Variants in EXOC4 observed in about 807,000 individuals in gnomAD.
EXOC4 encodes SEC8-like 1.
A neutral mutation model predicts 107.2 loss-of-function variants in EXOC4; 71 were observed. The ratio of observed to expected loss-of-function variants is 0.66; its 90% CI spans 0.55 to 0.81. The LOEUF (loss-of-function observed/expected upper bound fraction) is 0.81. EXOC4 is among the 30% of genes least tolerant of loss of function. The pLI, the probability that EXOC4 is intolerant of heterozygous loss-of-function variation, is 0.00. For missense variants in EXOC4, 1,108 were observed against 1,189.6 expected, an observed-to-expected ratio of 0.93 and a Z score of 1.01; for synonymous variants, 456 against 441.2, an observed-to-expected ratio of 1.03 and a Z score of -0.42.
chr7:133,743,634 GA>G (rs1468936732), intron 10 of EXOC4, among the ~76,000 whole-genome samples: 2 of 135,854 alleles, frequency 1.5e-5, no homozygotes, highest in Non-Finnish European at 1.6e-5. Context: ...CATCCTTTAT[GA>G]AACCATGAAA....
At position 133,902,337 on chromosome 7, in the gene EXOC4, A is replaced by G. The variant is rs1166958659; in HGVS notation, c.1871+6602A>G. Among the ~76,000 whole-genome samples, 14 of 152,296 alleles carry G rather than the reference A, an allele frequency of 9.2e-5. No homozygotes were observed. The East Asian group carries it at 1.7e-3, about 19-fold the overall frequency. ...CCTTTCAGGAATTTTTTTGATCTCA[A>G]TAACCATTAACAAACACAGTGGATC... On this transcript the variant is annotated intron_variant, in intron 12 of 17. Transcript: ENST00000253861.
intron 1 of EXOC4, among the ~76,000 whole-genome samples, chr7:133,255,295 G>T (rs1410416398): frequency 6.6e-6 from 1 of 151,924 alleles, no homozygotes; most frequent in Non-Finnish European, 1.5e-5. Context: ...TTCTGCTTCA[G>T]CTTCCCGCAT....
intron 9 of EXOC4, chr7:133,481,197 G>A (rs1343283288): frequency 1.3e-5 from 2 of 151,932 alleles, no homozygotes; most frequent in African/African-American, 4.8e-5. Context: ...ATACATATGT[G>A]TGTGTGCATA....
intron 2 of EXOC4, 150 bp from the exon 3 acceptor site, chr7:133,288,772 A>C (rs1035194826): frequency 3.4e-6 from 2 of 594,312 alleles, no homozygotes; most frequent in African/African-American, 1.8e-5. Flanking sequence ...AACCAGGATT[A>C]GAATTTTGGA....
chr7:133,449,437 CTA>C (rs992131557), intron 7 of EXOC4, among the ~76,000 whole-genome samples: 6 of 152,148 alleles, frequency 3.9e-5, no homozygotes, highest in African/African-American at 1.4e-4. Context: ...TCAAGAACAC[CTA>C]TGTTCTGAAC....
chr7:133,721,613 C>T (rs1795106443), intron 10 of EXOC4, among the ~76,000 whole-genome samples: 1 of 152,112 alleles, frequency 6.6e-6, no homozygotes, highest in African/African-American at 2.4e-5. Flanking sequence ...CCAGAAGCAC[C>T]AGTTCTTTTT....
At chr7:133,864,746 G>A (rs187891591) in intron 11 of EXOC4, among the ~76,000 whole-genome samples, 8 of 152,208 alleles carry the variant, frequency 5.3e-5, no homozygotes, top group African/African-American at 9.6e-5. Flanking sequence ...TGTCATGTGC[G>A]GTTCATCTGG....
At chr7:133,472,550 T>C (rs938482621) in intron 7 of EXOC4, among the ~76,000 whole-genome samples, 1 of 152,186 alleles carries the variant, frequency 6.6e-6, no homozygotes, top group African/African-American at 2.4e-5. Flanking sequence ...TTGGTTTTCT[T>C]AGTGAAATAT....
At chr7:133,991,413 G>A (rs1444398082) in intron 14 of EXOC4, among the ~76,000 whole-genome samples, 1 of 151,866 alleles carries the variant, frequency 6.6e-6, no homozygotes, top group Non-Finnish European at 1.5e-5. Flanking sequence ...TCTTCACTTT[G>A]TTGATTGTTT....
At chr7:133,490,862 A>G (rs1292604835) in intron 9 of EXOC4, among the ~76,000 whole-genome samples, 12 of 152,206 alleles carry the variant, frequency 7.9e-5, no homozygotes, top group East Asian at 1.9e-4. Flanking sequence ...CAGCTTTATT[A>G]TTAAAAATTC....
rs560595262 is a variant in EXOC4 at position 133,483,928 on chromosome 7, A to G, written c.1417+3790A>G. 9.0e-6 allele frequency: 10 copies of G among 1,110,054 alleles called. No homozygotes were observed. The East Asian group carries it at 2.4e-4, about 26-fold the overall frequency. 68.8% of individuals were successfully genotyped at this position (1,110,054 alleles called of 1,614,324 possible). ...AAAGGCATAATTGAATAGTTCAGTCAAACCGTAAGAGACTAAGGGAAGATT... is the reference window on the plus strand; with the variant it reads ...AAAGGCATAATTGAATAGTTCAGTCGAACCGTAAGAGACTAAGGGAAGATT... On this transcript the variant is annotated intron_variant, in intron 9 of 17. Coordinates refer to ENST00000253861, the MANE Select transcript of EXOC4 (RefSeq NM_021807.4).
chr7:133,855,130 T>TATATATATATAA (rs1798342699), intron 11 of EXOC4, among the ~76,000 whole-genome samples: 7 of 105,984 alleles, frequency 6.6e-5, no homozygotes, highest in South Asian at 2.9e-4. Context: ...TATATATAAA[T>TATATATATATAA]ATATATATAT....
At chr7:133,979,360 G>T (rs1459726508) in intron 14 of EXOC4, among the ~76,000 whole-genome samples, 1 of 151,978 alleles carries the variant, frequency 6.6e-6, no homozygotes, top group Non-Finnish European at 1.5e-5. Flanking sequence ...GTGCCTCTTT[G>T]GTAGAAAGGA....
chr7:133,625,988 C>A (rs1321539341), intron 9 of EXOC4, among the ~76,000 whole-genome samples: 1 of 152,148 alleles, frequency 6.6e-6, no homozygotes, highest in East Asian at 1.9e-4. Flanking sequence ...AGGTGGATCA[C>A]TTGAGGTCAG....
intron 7 of EXOC4, among the ~76,000 whole-genome samples, chr7:133,465,858 G>A (rs911372881): frequency 1.1e-4 from 16 of 152,040 alleles, no homozygotes; most frequent in African/African-American, 2.7e-4. Flanking sequence ...AAACTCGGCC[G>A]GGGGCAGTGG....
chr7:134,004,353 C>T (rs1276387159), intron 15 of EXOC4, among the ~76,000 whole-genome samples: 1 of 152,132 alleles, frequency 6.6e-6, no homozygotes, highest in Non-Finnish European at 1.5e-5. Flanking sequence ...CCTTATGAGA[C>T]AGGTGTTGTT....
intron 11 of EXOC4, among the ~76,000 whole-genome samples, chr7:133,820,414 C>T (rs1341473530): frequency 2.0e-5 from 3 of 151,444 alleles, no homozygotes; most frequent in African/African-American, 7.3e-5. Context: ...TTTTTGTCTT[C>T]CTCTACAAGC....
chr7:133,353,208 C>T (rs575559727), intron 5 of EXOC4, among the ~76,000 whole-genome samples: 10 of 152,114 alleles, frequency 6.6e-5, no homozygotes, highest in South Asian at 2.1e-4. Context: ...ATTGCCTAGA[C>T]GTTTATCTTT....
intron 14 of EXOC4, among the ~76,000 whole-genome samples, chr7:133,963,206 T>C (rs1800986332): frequency 6.6e-6 from 1 of 152,160 alleles, no homozygotes; most frequent in Non-Finnish European, 1.5e-5. Flanking sequence ...CACAGAAAGG[T>C]TGTTGGGGTG....
Sources: allele counts gnomAD v4.1 joint callset (sites outside exome capture counted in the v4.1 genomes callset), GRCh38; gene constraint gnomAD v4.1.1; transcripts MANE v1.5; gene names NCBI Gene and HGNC (gene_info 2026-07-23, HGNC 2026-07-21).